MAPKAP1: variants seen among roughly 807,000 people sequenced by gnomAD.
MAPKAP1 encodes target of rapamycin complex 2 subunit MAPKAP1.
In MAPKAP1, 20 loss-of-function variants were observed where a neutral mutation model predicts 65.7. The ratio of observed to expected loss-of-function variants is 0.30; its 90% CI spans 0.21 to 0.44. The LOEUF is 0.44. Ranked by LOEUF, MAPKAP1 falls within the 20% of genes least tolerant of loss-of-function variation. The pLI, the probability that MAPKAP1 is intolerant of heterozygous loss-of-function variation, is 1.00. For synonymous variants in MAPKAP1, 222 were observed against 244.3 expected, an observed-to-expected ratio of 0.91 and a Z score of 0.85; for missense variants, 423 against 648.0, an observed-to-expected ratio of 0.65 and a Z score of 3.77.
intron 4 of MAPKAP1, among the ~76,000 whole-genome samples, chr9:125,616,108 C>T (rs749427474): frequency 2.6e-5 from 4 of 151,862 alleles, no homozygotes; most frequent in Non-Finnish European, 5.9e-5. Flanking sequence ...TATGACCAAG[C>T]GAGCATGACA....
Position 125,595,807 on chromosome 9 carries a change from A to T in MAPKAP1, c.499-10080T>A. 8.8e-7 allele frequency: 1 copy of T among 1,136,250 alleles called. No homozygotes were observed. The allele number at this position is 1,136,250 out of a possible 1,614,324, so 70.4% of individuals were successfully genotyped here. A position where few individuals can be genotyped will look rare whatever the true frequency, so the allele number is the denominator to read the frequency against. On this transcript the variant is annotated intron_variant, in intron 4 of 11. Coordinates refer to ENST00000265960, the MANE Select transcript of MAPKAP1 (RefSeq NM_001006617.3). The surrounding 1 kb of genome is among the most constrained non-coding windows in gnomAD (Gnocchi z 4.0). ...CGCTCCCAGACTGTGTGGTAATGAA[A>T]GATTCCAACACCAAGCGTTCCGGGG...
intron 6 of MAPKAP1, among the ~76,000 whole-genome samples, chr9:125,547,086 C>T (rs897194340): frequency 1.1e-4 from 16 of 152,120 alleles, no homozygotes; most frequent in African/African-American, 1.7e-4. Context: ...AACCACTGAA[C>T]GATGTATGGG....
rs1564622492 is a variant in MAPKAP1, at chr9:125,698,309, ATAT to A, written c.-70+8659_-70+8661del. ...TATAAATATATATATATATATATAT[ATAT>A]ATATATATATATATATATATATATA... On this transcript the variant is annotated intron_variant, in intron 1 of 11. Transcript: ENST00000265960. Among the ~76,000 whole-genome samples the A allele has an allele frequency of 5.4e-3, 417 of 77,200 alleles. 12 individuals carry two copies. Among genetic ancestry groups the A allele is most frequent in the South Asian group, 0.014 (32 of 2,366 alleles). 50.6% of individuals were successfully genotyped at this position (77,200 alleles called of 152,430 possible). A position where few individuals can be genotyped will look rare whatever the true frequency, so the allele number is the denominator to read the frequency against.
intron 4 of MAPKAP1, 140 bp from the exon 5 acceptor site, chr9:125,585,867 G>T: frequency 4.2e-6 from 3 of 714,152 alleles, no homozygotes; most frequent in South Asian, 2.5e-5. Context: ...GTCCCAAAGT[G>T]GAAACACTGT....
intron 4 of MAPKAP1, among the ~76,000 whole-genome samples, chr9:125,593,949 T>C (rs1274807770): frequency 6.6e-6 from 1 of 152,180 alleles, no homozygotes; most frequent in African/African-American, 2.4e-5. Context: ...TTCACTGGCA[T>C]GTCTGTCATT....
chr9:125,603,082 T>TTTC lies in MAPKAP1; in HGVS notation c.499-17356_499-17355insGAA, dbSNP rs1564578212. 4.1e-3 allele frequency among the ~76,000 whole-genome samples: 589 copies of TTTC among 144,670 alleles called. 6 individuals are homozygous for TTTC. The highest frequency in any genetic ancestry group is 0.015 in the African/African-American group (555 of 37,666). 94.9% of individuals were successfully genotyped at this position (144,670 alleles called of 152,430 possible). A position where few individuals can be genotyped will look rare whatever the true frequency, so the allele number is the denominator to read the frequency against. On this transcript the variant is annotated intron_variant, in intron 4 of 11. Coordinates refer to ENST00000265960, the MANE Select transcript of MAPKAP1 (RefSeq NM_001006617.3). ...TCTTTCTTTCTTTCTTTCTTTCTTT[T>TTTC]TTTTTTATAGAGACAGAGTCTCAAT...
chr9:125,453,582 G>A (rs12552483), intron 10 of MAPKAP1, among the ~76,000 whole-genome samples: 12,005 of 152,236 alleles, frequency 0.079, 657 homozygotes, highest in Middle Eastern at 0.15. Context: ...TTGATAAATG[G>A]TATTTTCTTA....
chr9:125,631,679 T>C (rs1186809035), intron 4 of MAPKAP1, among the ~76,000 whole-genome samples: 1 of 152,188 alleles, frequency 6.6e-6, no homozygotes. Flanking sequence ...AAACTCTTCT[T>C]GATCAAGCCT....
In MAPKAP1 at chr9:125,530,819, G is replaced by T. The variant is rs997209077; in HGVS notation, c.958+12240C>A. Among the ~76,000 whole-genome samples the T allele has an allele frequency of 2.0e-5, 3 of 152,342 alleles. No individual in the cohort carries two copies. The South Asian group carries it at 6.2e-4, about 32-fold the overall frequency. ...AGGCAAAGGCCAAATCATATGGATA[G>T]AAAAGGAAGTAAACCAAAACCTAAA... On this transcript the variant is annotated intron_variant, in intron 7 of 11. Transcript: ENST00000265960.
chr9:125,481,661 A>G (rs1854322326), intron 9 of MAPKAP1, among the ~76,000 whole-genome samples: 1 of 151,864 alleles, frequency 6.6e-6, no homozygotes, highest in Admixed American at 6.6e-5. Context: ...AGCTCAAGTG[A>G]TCTGCCCACC....
intron 3 of MAPKAP1, among the ~76,000 whole-genome samples, chr9:125,663,482 T>A (rs1834248476): frequency 6.6e-6 from 1 of 152,206 alleles, no homozygotes; most frequent in Non-Finnish European, 1.5e-5. Context: ...TACCTGGCTA[T>A]ATTCTTCTCC....
chr9:125,554,590 G>A lies in MAPKAP1; in HGVS notation c.848+5043C>T, dbSNP rs148308963. Reference sequence around the variant, plus strand: ...GAGGCAGGAGGACTGCTTGAGCTCAGGAGTTCAGGACCAGCCTGGGCAACA... The same window carrying A: ...GAGGCAGGAGGACTGCTTGAGCTCAAGAGTTCAGGACCAGCCTGGGCAACA... On this transcript the variant is annotated intron_variant, in intron 6 of 11. Transcript: ENST00000265960. 9.5e-4 allele frequency among the ~76,000 whole-genome samples: 145 copies of A among 152,230 alleles called. 1 individual carries two copies. Among genetic ancestry groups the A allele is most frequent in the Non-Finnish European group, 7.2e-4 (49 of 68,022 alleles).
At position 125,702,152 on chromosome 9, in the gene MAPKAP1, T is replaced by G. The variant is rs549801998; in HGVS notation, c.-70+4819A>C. On this transcript the variant is annotated intron_variant, in intron 1 of 11. Coordinates refer to ENST00000265960, the MANE Select transcript of MAPKAP1 (RefSeq NM_001006617.3). ...TGGCTCACACCTGTAATCCCAACAATTTGGGAGGCCATGGCAGGAGTATCA... is the reference window on the plus strand; with the variant it reads ...TGGCTCACACCTGTAATCCCAACAAGTTGGGAGGCCATGGCAGGAGTATCA... Among the ~76,000 whole-genome samples, 11 of 152,172 alleles carry G rather than the reference T, an allele frequency of 7.2e-5. 1 individual carries two copies. In the South Asian group the frequency reaches 2.3e-3, roughly 32 times the overall value.
At chr9:125,491,084 G>A (rs368171430) in intron 8 of MAPKAP1, among the ~76,000 whole-genome samples, 173 of 149,568 alleles carry the variant, frequency 1.2e-3, no homozygotes, top group Middle Eastern at 6.9e-3. Flanking sequence ...GCTGAAGTGA[G>A]AGCTGAGATT....
intron 4 of MAPKAP1, 119 bp from the exon 5 acceptor site, chr9:125,585,846 A>T: frequency 1.1e-6 from 1 of 913,870 alleles, no homozygotes; most frequent in Non-Finnish European, 1.6e-6. Context: ...ACCTACTGTG[A>T]CCATGGAATG....
In MAPKAP1 at chr9:125,476,922, T is replaced by G. The variant is rs184206707; in HGVS notation, c.1207+7521A>C. Among the ~76,000 whole-genome samples the G allele has an allele frequency of 3.0e-3, 461 of 152,308 alleles. 2 individuals are homozygous for G. Among genetic ancestry groups the G allele is most frequent in the South Asian group, 7.7e-3 (37 of 4,826 alleles). ...CTCAGACACAGCTGGAGATGCTGCC[T>G]CAGCATAATGCTCTGGGCAGCCGTT... On this transcript the variant is annotated intron_variant, in intron 9 of 11. Coordinates refer to ENST00000265960, the MANE Select transcript of MAPKAP1 (RefSeq NM_001006617.3).
At position 125,595,834 on chromosome 9, in the gene MAPKAP1, T is replaced by C. The variant is rs1832108672; in HGVS notation, c.499-10107A>G. 1.8e-6 allele frequency: 2 copies of C among 1,137,042 alleles called. No individual in the cohort carries two copies. Among genetic ancestry groups the C allele is most frequent in the Admixed American group, 1.7e-5 (1 of 59,128 alleles). 70.4% of individuals were successfully genotyped at this position (1,137,042 alleles called of 1,614,324 possible). On this transcript the variant is annotated intron_variant, in intron 4 of 11. Transcript: ENST00000265960. This position sits in a 1 kb window ranked among gnomAD's most constrained non-coding sequence, Gnocchi z 4.0. ...ATTCCAACACCAAGCGTTCCGGGGG[T>C]TTTGGGTTTGTCACCTATGCCACTG...
intron 6 of MAPKAP1, among the ~76,000 whole-genome samples, chr9:125,545,431 C>T (rs528442460): frequency 2.5e-4 from 38 of 152,266 alleles, no homozygotes; most frequent in African/African-American, 7.5e-4. Flanking sequence ...AGTCAGTATG[C>T]GCTCCATCTG....
intron 7 of MAPKAP1, among the ~76,000 whole-genome samples, chr9:125,509,258 T>C (rs1460221723): frequency 7.3e-6 from 1 of 137,366 alleles, no homozygotes; most frequent in Admixed American, 7.8e-5. Context: ...ATAAACATTA[T>C]GTATGAATTT....
Sources: gnomAD v4.1 joint callset for allele counts (sites outside exome capture counted in the v4.1 genomes callset) on GRCh38, gnomAD v4.1.1 for gene constraint, Gnocchi (gnomAD v3.1) non-coding constraint, MANE v1.5 for transcripts, NCBI Gene and HGNC (gene_info 2026-07-23, HGNC 2026-07-21) for gene names.